Variants in CFAP251 observed in about 807,000 individuals in gnomAD.
The protein encoded by CFAP251 is cilia- and flagella-associated protein 251.
CFAP251 carries 93 observed loss-of-function variants against 126.7 expected under a neutral mutation model. That is an observed-to-expected ratio of 0.73 (90% CI 0.62 to 0.87). CFAP251 has a LOEUF of 0.87. Ranked by LOEUF, CFAP251 falls within the 40% of genes least tolerant of loss-of-function variation. The probability of loss-of-function intolerance (pLI) is 0.00; values close to 1 mark genes in which losing one functional copy is unlikely to be tolerated. For synonymous variants in CFAP251, 503 were observed against 506.9 expected (o/e 0.99, Z 0.10); for missense variants, 1,287 against 1,389.2 (o/e 0.93, Z 1.17).
intron 19 of CFAP251, among the ~76,000 whole-genome samples, chr12:121,981,544 C>G (rs1241432848): frequency 6.6e-6 from 1 of 152,206 alleles, no homozygotes; most frequent in Non-Finnish European, 1.5e-5. Context: ...ATGGGTTATT[C>G]TGAAGCAAGT....
intron 14 of CFAP251, 85 bp downstream of exon 14, chr12:121,960,843 C>T (rs1881908468): frequency 1.5e-5 from 21 of 1,442,650 alleles, no homozygotes; most frequent in Non-Finnish European, 2.0e-5. Context: ...TAGAGCCAGG[C>T]CCACAGTACG....
intron 8 of CFAP251, chr12:121,949,535 A>G (rs900331039): frequency 2.7e-5 from 4 of 149,786 alleles, no homozygotes; most frequent in African/African-American, 1.0e-4. Flanking sequence ...TTAGAAAGGA[A>G]TTAGCAAACA....
At chr12:121,941,330 C>CTTTTTTT (rs68005842) in intron 5 of CFAP251, among the ~76,000 whole-genome samples, 1 of 87,702 alleles carries the variant, frequency 1.1e-5, no homozygotes, top group Non-Finnish European at 2.1e-5. Flanking sequence ...CCATGCTGGC[C>CTTTTTTT]TTTTTTTTTT....
intron 19 of CFAP251, among the ~76,000 whole-genome samples, chr12:121,983,716 G>A (rs898816067): frequency 6.6e-6 from 1 of 151,296 alleles, no homozygotes; most frequent in Non-Finnish European, 1.5e-5. Context: ...CTCACCCTTG[G>A]ATTACAGGGC....
chr12:121,960,785 G>T, intron 14 of CFAP251, 27 bp downstream of exon 14: 1 of 1,610,434 alleles, frequency 6.2e-7, no homozygotes, highest in Non-Finnish European at 8.5e-7. Context: ...TCGTTGACCT[G>T]GTCGCCAAGA....
chr12:121,928,090 C>T (rs866957999), intron 3 of CFAP251, among the ~76,000 whole-genome samples: 12 of 152,000 alleles, frequency 7.9e-5, no homozygotes, highest in African/African-American at 1.2e-4. Flanking sequence ...CGTGGTGACC[C>T]GGGAAGAGCT....
At position 121,923,642 on chromosome 12, in the gene CFAP251, G is replaced by C; in HGVS notation, c.399G>C (p.Lys133Asn). ...GIFPKTQRGS[K>N]SKLSLQLEDA... is the part of the protein sequence containing the mutation. ...TAAAGAAAACCCAAAGAGGTAGCAAGTCAAAGCTTTCCTTACAATTGGAGG... is the reference window on the plus strand; with the variant it reads ...TAAAGAAAACCCAAAGAGGTAGCAACTCAAAGCTTTCCTTACAATTGGAGG... Residue 133 changes from lysine to asparagine, a missense_variant, in exon 3 of 22, where the codon AAG becomes AAC. Physicochemically the swap from Lys to Asn is moderately conservative, Grantham distance 94 (BLOSUM62 0). Coordinates refer to ENST00000288912, the MANE Select transcript of CFAP251 (RefSeq NM_144668.6). 1 of 1,611,336 alleles carries C rather than the reference G, an allele frequency of 6.2e-7. No homozygotes were observed.
At chr12:121,935,638 T>C (rs2167066) in intron 5 of CFAP251, among the ~76,000 whole-genome samples, 4 of 152,228 alleles carry the variant, frequency 2.6e-5, no homozygotes, top group African/African-American at 9.6e-5. Flanking sequence ...GTGATAAGCC[T>C]ACCAGCCTTT....
At chr12:121,976,253 C>T (rs796477711) in intron 19 of CFAP251, among the ~76,000 whole-genome samples, 59 of 152,144 alleles carry the variant, frequency 3.9e-4, no homozygotes, top group African/African-American at 1.3e-3. Context: ...AAGTGATCTG[C>T]CCGCCTCGGC....
At chr12:121,984,752 T>G (rs1476279433) in intron 19 of CFAP251, among the ~76,000 whole-genome samples, 2 of 152,234 alleles carry the variant, frequency 1.3e-5, no homozygotes, top group African/African-American at 4.8e-5. Flanking sequence ...TCCTCCAGGA[T>G]GTTGGACTGT....
chr12:121,935,952 T>G (rs973168197), intron 5 of CFAP251, among the ~76,000 whole-genome samples: 1 of 152,154 alleles, frequency 6.6e-6, no homozygotes, highest in Non-Finnish European at 1.5e-5. Flanking sequence ...AATTCACCTT[T>G]TCTGGTCCCT....
In CFAP251 at chr12:121,958,457, A is replaced by G. The variant is rs1030425647; in HGVS notation, c.1916A>G (p.Gln639Arg). The G allele has an allele frequency of 1.2e-6, 2 of 1,614,140 alleles. No individual in the cohort carries two copies. The highest frequency in any genetic ancestry group is 1.3e-5 in the African/African-American group (1 of 74,952). The change falls in exon 12 of 22, where the codon CAA becomes CGA. Residue 639 changes from glutamine (Q) to arginine (R), a missense_variant. Coordinates refer to ENST00000288912, the MANE Select transcript of CFAP251 (RefSeq NM_144668.6). Reference sequence around the variant, plus strand: ...AAAGTGTGGAATTATGAAAACAAACAATATCTTTTCAGCAGGGTTTTTGAG... The same window carrying G: ...AAAGTGTGGAATTATGAAAACAAACGATATCTTTTCAGCAGGGTTTTTGAG... ...MIKVWNYENK[Q>R]YLFSRVFEKG... is the part of the protein sequence containing the mutation.
chr12:121,969,347 T>G, intron 17 of CFAP251: 1 of 985,398 alleles, frequency 1.0e-6, no homozygotes. Flanking sequence ...AACTTGAGGA[T>G]TTAGGAGCTG....
rs1880982682 is a variant in CFAP251 at position 121,938,587 on chromosome 12, C to A, written c.999-3947C>A. 2.6e-5 allele frequency among the ~76,000 whole-genome samples: 4 copies of A among 150,998 alleles called. 1 individual carries two copies. Among genetic ancestry groups the A allele is most frequent in the Admixed American group, 2.0e-4 (3 of 15,188 alleles). On this transcript the variant is annotated intron_variant, in intron 5 of 21. Coordinates refer to ENST00000288912, the MANE Select transcript of CFAP251 (RefSeq NM_144668.6). Reference sequence around the variant, plus strand: ...TCAAGTGATCCACCTGACTCAGCCTCCCAAAGTGCTGGGATTACAGGCGTG... The same window carrying A: ...TCAAGTGATCCACCTGACTCAGCCTACCAAAGTGCTGGGATTACAGGCGTG...
intron 19 of CFAP251, among the ~76,000 whole-genome samples, chr12:121,990,493 CCCT>C (rs987289527): frequency 6.6e-6 from 1 of 152,112 alleles, no homozygotes; most frequent in Non-Finnish European, 1.5e-5. Flanking sequence ...CTCCTCTGCA[CCCT>C]CCTCCTCATG....
At chr12:121,982,179 A>G (rs1214467342) in intron 19 of CFAP251, among the ~76,000 whole-genome samples, 1 of 152,028 alleles carries the variant, frequency 6.6e-6, no homozygotes, top group African/African-American at 2.4e-5. Flanking sequence ...AACGCCATCA[A>G]ATTGATGGCA....
At chr12:121,969,604 GC>G (rs1882265932) in intron 17 of CFAP251, 1 of 791,558 alleles carries the variant, frequency 1.3e-6, no homozygotes. Context: ...TCCTGCCTCA[GC>G]CTCCTGAGTA....
intron 12 of CFAP251, 143 bp from the exon 13 acceptor site, chr12:121,958,800 C>T (rs545090415): frequency 5.5e-5 from 60 of 1,089,780 alleles, no homozygotes; most frequent in Non-Finnish European, 7.1e-5. Context: ...CAGGAGATCA[C>T]GCGTTTCGGT....
chr12:121,921,818 C>G (rs1033974902), intron 2 of CFAP251, 135 bp downstream of exon 2: 56 of 920,244 alleles, frequency 6.1e-5, no homozygotes, highest in Non-Finnish European at 7.8e-5. Context: ...GAGACAGAGT[C>G]TCACTGTTGC....
Sources: allele counts gnomAD v4.1 joint callset (sites outside exome capture counted in the v4.1 genomes callset), GRCh38; gene constraint gnomAD v4.1.1; transcripts MANE v1.5; gene names NCBI Gene and HGNC (gene_info 2026-07-23, HGNC 2026-07-21).